The following LAMA1 variants were observed in gnomAD, a reference collection of about 807,000 sequenced individuals.
LAMA1 encodes the protein laminin subunit alpha 1.
LAMA1 carries 219 observed loss-of-function variants against 348.7 expected under a neutral mutation model. The observed-to-expected ratio is 0.63, with a 90% CI of 0.56 to 0.70. The LOEUF is 0.70. LAMA1 is among the 30% of genes least tolerant of loss of function. The pLI is 0.00. For missense variants in LAMA1, 3,744 were observed against 3,888.0 expected (o/e 0.96, Z 0.99); for synonymous variants, 1,487 against 1,491.0 (o/e 1.00, Z 0.06).
rs2057500401 is a variant in LAMA1 at position 6,942,008 on chromosome 18, ATTC to A, written c.*68_*70del. ...TGGAAATGAAATATGAACTGAAGAG[ATTC>A]TTAATTCACACATACACTTCTCCTC... is the stretch of plus-strand genomic sequence containing the variant. On this transcript the variant is annotated 3_prime_UTR_variant, in exon 63 of 63. Transcript: ENST00000389658. 1 of 1,568,146 alleles carries A rather than the reference ATTC, an allele frequency of 6.4e-7. No homozygotes were observed. The highest frequency in any genetic ancestry group is 1.4e-5 in the African/African-American group (1 of 74,042).
chr18:6,999,902 C>T lies in LAMA1; in HGVS notation c.4469+9G>A. 1 of 1,611,492 alleles carries T rather than the reference C, an allele frequency of 6.2e-7. No homozygotes were observed. Among genetic ancestry groups the T allele is most frequent in the Non-Finnish European group, 8.5e-7 (1 of 1,177,566 alleles). On this transcript the variant is annotated intron_variant, in intron 31 of 62. Coordinates refer to ENST00000389658, the MANE Select transcript of LAMA1 (RefSeq NM_005559.4). The stretch of plus-strand genomic sequence containing the variant: ...CCAGGGATTTCCACATGACAATCCA[C>T]CCATGTACCTTTCACAGTGTTTTCC...
At chr18:7,057,866 C>T (rs537086346) in intron 3 of LAMA1, among the ~76,000 whole-genome samples, 5 of 151,836 alleles carry the variant, frequency 3.3e-5, no homozygotes, top group African/African-American at 9.7e-5. Flanking sequence ...GCGATCTCCG[C>T]TCACTGCAAC....
intron 1 of LAMA1, among the ~76,000 whole-genome samples, chr18:7,090,442 A>C (rs965796706): frequency 2.0e-5 from 3 of 152,134 alleles, no homozygotes; most frequent in African/African-American, 7.2e-5. Context: ...TACTCTAAGC[A>C]GGGAGCTCTT....
At position 6,986,350 on chromosome 18, in the gene LAMA1, G is replaced by A; in HGVS notation, c.5169-3C>T. On this transcript the variant is annotated splice_region_variant and splice_polypyrimidine_tract_variant and intron_variant, in intron 36 of 62. Coordinates refer to ENST00000389658, the MANE Select transcript of LAMA1 (RefSeq NM_005559.4). The stretch of plus-strand genomic sequence containing the variant: ...GTGACAATAAATCTTCAGCAGCCCT[G>A]ATAAATATGAATGGTTCACATAGTA... The A allele has an allele frequency of 1.2e-6, 2 of 1,613,208 alleles. No individual in the cohort carries two copies. Among genetic ancestry groups the A allele is most frequent in the Non-Finnish European group, 8.5e-7 (1 of 1,179,342 alleles).
At chr18:7,084,651 A>T (rs2058207690) in intron 1 of LAMA1, among the ~76,000 whole-genome samples, 1 of 152,156 alleles carries the variant, frequency 6.6e-6, no homozygotes, top group Non-Finnish European at 1.5e-5. Flanking sequence ...CTCACTCACT[A>T]GCAGTTACTG....
chr18:7,006,614 G>T (rs1331093548), intron 29 of LAMA1, among the ~76,000 whole-genome samples: 2 of 152,124 alleles, frequency 1.3e-5, no homozygotes, highest in African/African-American at 2.4e-5. Context: ...TTTCGTCACG[G>T]TGTGAACGTC....
intron 16 of LAMA1, among the ~76,000 whole-genome samples, 164 bp downstream of exon 16, chr18:7,031,902 C>T (rs1367788797): frequency 3.5e-5 from 4 of 113,492 alleles, no homozygotes; most frequent in South Asian, 2.6e-4. Flanking sequence ...AAAAAAAAAA[C>T]GGGAAACATT....
At position 6,986,260 on chromosome 18, in the gene LAMA1, G is replaced by A. The variant is rs62081531; in HGVS notation, c.5256C>T (p.His1752=). 0.23 allele frequency: 376,588 copies of A among 1,613,970 alleles called. 46,955 individuals are homozygous for A. Among genetic ancestry groups the A allele is most frequent in the Non-Finnish European group, 0.26 (307,933 of 1,179,940 alleles). ...GTTCATTGTTGTGCTTTGAAAGGAC[G>A]TGGCTTGCTGCTTCTTTCAATACCT... ...ELEVLKEAAS[H]VLSKHNNELK... The change falls in exon 37 of 63, where the codon CAC becomes CAT. Residue 1752 remains histidine (H), a synonymous_variant. Transcript: ENST00000389658.
Position 7,042,695 on chromosome 18 carries a change from C to T in LAMA1, c.1156-445G>A, listed in dbSNP as rs552211978. ...GTCAAGGGATTGAGACCATCCTGGC[C>T]GACATGGTGAAACCCTGTCTCTACT... On this transcript the variant is annotated intron_variant, in intron 8 of 62. Transcript: ENST00000389658. 2.2e-3 allele frequency: 466 copies of T among 214,846 alleles called. 2 individuals carry two copies. Among genetic ancestry groups the T allele is most frequent in the African/African-American group, 9.9e-3 (424 of 42,994 alleles). 13.3% of individuals were successfully genotyped at this position (214,846 alleles called of 1,614,324 possible).
At chr18:7,066,192 G>A (rs187073490) in intron 3 of LAMA1, among the ~76,000 whole-genome samples, 15 of 152,264 alleles carry the variant, frequency 9.9e-5, no homozygotes, top group Middle Eastern at 3.4e-3. Context: ...GGCTTAAAAC[G>A]ACAAATCCAG....
intron 14 of LAMA1, among the ~76,000 whole-genome samples, chr18:7,033,742 T>G (rs1031183335): frequency 2.2e-5 from 1 of 45,732 alleles, no homozygotes. Context: ...TGCATACAAC[T>G]TTTTTTTTTT....
At chr18:6,954,964 ATTT>A in intron 57 of LAMA1, 1 of 330,784 alleles carries the variant, frequency 3.0e-6, no homozygotes, top group South Asian at 2.6e-5. Context: ...GGCACTCGGG[ATTT>A]TGGCCACCAC....
rs750998856 is a variant in LAMA1, at chr18:6,950,953, G to A, written c.8226C>T (p.Ser2742=). The A allele has an allele frequency of 2.5e-6, 4 of 1,613,790 alleles. No individual in the cohort carries two copies. Among genetic ancestry groups the A allele is most frequent in the Non-Finnish European group, 3.4e-6 (4 of 1,179,972 alleles). Residue 2742 remains serine (S), a synonymous_variant, in exon 58 of 63, where the codon AGC becomes AGT. Coordinates refer to ENST00000389658, the MANE Select transcript of LAMA1 (RefSeq NM_005559.4). ...AVRKKLSVEL[S]IRTFASSGLI... The stretch of plus-strand genomic sequence containing the variant: ...GGCCGCTGGAGGCGAACGTGCGGAT[G>A]CTTAGCTCAACCGAGAGCCTGGGGA...
intron 46 of LAMA1, 69 bp downstream of exon 46, chr18:6,974,834 C>T (rs2057674061): frequency 6.4e-7 from 1 of 1,573,636 alleles, no homozygotes; most frequent in Non-Finnish European, 8.7e-7. Flanking sequence ...TATGATGTTA[C>T]AAGCATGTAA....
chr18:7,098,989 A>G (rs201075803), intron 1 of LAMA1, among the ~76,000 whole-genome samples: 2,124 of 152,096 alleles, frequency 0.014, 20 homozygotes, highest in East Asian at 0.037. Flanking sequence ...CATTGAGAAC[A>G]GGCCATGATG....
chr18:7,007,507 A>G (rs2057838042), intron 28 of LAMA1, among the ~76,000 whole-genome samples: 1 of 152,108 alleles, frequency 6.6e-6, no homozygotes, highest in Non-Finnish European at 1.5e-5. Context: ...TTGGTGAGAA[A>G]CTGGACCTTG....
At chr18:7,069,663 C>A (rs2058137957) in intron 3 of LAMA1, among the ~76,000 whole-genome samples, 1 of 152,174 alleles carries the variant, frequency 6.6e-6, no homozygotes. Flanking sequence ...CTTAAAGTCG[C>A]CATGCTGTGA....
chr18:7,007,913 T>TTG, intron 28 of LAMA1, among the ~76,000 whole-genome samples: 3 of 136,828 alleles, frequency 2.2e-5, no homozygotes, highest in African/African-American at 7.5e-5. Flanking sequence ...ATTACTCCAC[T>TTG]TTTATTTATT....
In LAMA1 at chr18:6,993,690, C is replaced by G. The variant is rs145146950; in HGVS notation, c.4959G>C (p.Glu1653Asp). 6.2e-7 allele frequency: 1 copy of G among 1,613,986 alleles called. No individual in the cohort carries two copies. Among genetic ancestry groups the G allele is most frequent in the Non-Finnish European group, 8.5e-7 (1 of 1,179,988 alleles). The change falls in exon 35 of 63, where the codon GAG becomes GAC. Residue 1653 changes from glutamate to aspartate, a missense_variant. Around this residue, in one of 3 missense-constraint regions of LAMA1, gnomAD observed 1,983 missense variants for 1,934.3 expected, o/e 1.03. Transcript: ENST00000389658. ...CAATGGCTATGGCCAGGTCTTGACTCTCCTTGAAGATTCTCTCAGTTGCCC... is the reference window on the plus strand; with the variant it reads ...CAATGGCTATGGCCAGGTCTTGACTGTCCTTGAAGATTCTCTCAGTTGCCC... ...VNRATERIFK[E>D]SQDLAIAIER...
Sources: gnomAD v4.1 joint callset for allele counts (sites outside exome capture counted in the v4.1 genomes callset) on GRCh38, gnomAD v4.1.1 for gene constraint, gnomAD v4.1.1 regional missense constraint, MANE v1.5 for transcripts, NCBI Gene and HGNC (gene_info 2026-07-23, HGNC 2026-07-21) for gene names.